CFAP95: variants seen among roughly 807,000 people sequenced by gnomAD.
CFAP95 encodes cilia and flagella associated protein 95.
At chr9:69,889,819 T>C in the CFAP95 span, among the ~76,000 whole-genome samples, 1 of 152,210 alleles carries the variant, frequency 6.6e-6, no homozygotes, top group Non-Finnish European at 1.5e-5. Context: ...GCAGCCTTTA[T>C]AATCTCCATA....
chr9:69,841,149 A>G, the CFAP95 span, among the ~76,000 whole-genome samples: 1 of 73,562 alleles, frequency 1.4e-5, no homozygotes, highest in South Asian at 4.1e-4. Context: ...AAAGACAGGT[A>G]TAATCCAAGC....
chr9:69,876,091 A>C, the CFAP95 span, among the ~76,000 whole-genome samples: 2 of 152,242 alleles, frequency 1.3e-5, no homozygotes, highest in Admixed American at 6.5e-5. Flanking sequence ...CAATTTTGCA[A>C]GATATTGCCA....
At chr9:69,869,469 T>G in the CFAP95 span, among the ~76,000 whole-genome samples, 166 of 152,190 alleles carry the variant, frequency 1.1e-3, no homozygotes, top group African/African-American at 3.9e-3. Context: ...AATAGAGAGA[T>G]GCTGGTCAAA....
At chr9:69,883,282 T>A in the CFAP95 span, among the ~76,000 whole-genome samples, 1 of 152,186 alleles carries the variant, frequency 6.6e-6, no homozygotes. Context: ...GGTTCAGGGC[T>A]AGAGAACTTA....
chr9:69,833,902 A>G, the CFAP95 span, among the ~76,000 whole-genome samples: 4 of 152,188 alleles, frequency 2.6e-5, no homozygotes, highest in African/African-American at 9.7e-5. Context: ...AATGCAACAA[A>G]TTGTCCTGAA....
chr9:69,827,426 G>A, the CFAP95 span, among the ~76,000 whole-genome samples: 1 of 152,114 alleles, frequency 6.6e-6, no homozygotes, highest in African/African-American at 2.4e-5. Flanking sequence ...ATTCAAACAT[G>A]CCAATTAAAG....
the CFAP95 span, among the ~76,000 whole-genome samples, chr9:69,901,070 A>C: frequency 6.6e-6 from 1 of 150,772 alleles, no homozygotes; most frequent in Non-Finnish European, 1.5e-5. Flanking sequence ...CTTGTGTCCA[A>C]GTGTTCTTAT....
chr9:69,845,988 C>G, the CFAP95 span, among the ~76,000 whole-genome samples: 3 of 152,174 alleles, frequency 2.0e-5, no homozygotes, highest in Non-Finnish European at 4.4e-5. Flanking sequence ...TCCATTCCCC[C>G]ACAAACACAG....
the CFAP95 span, among the ~76,000 whole-genome samples, chr9:69,901,029 C>T: frequency 1.4e-4 from 21 of 152,258 alleles, no homozygotes; most frequent in South Asian, 4.1e-3. Flanking sequence ...CTCCACTCCA[C>T]AACAGGCCCC....
the CFAP95 span, among the ~76,000 whole-genome samples, chr9:69,866,606 C>T: frequency 6.6e-6 from 1 of 152,198 alleles, no homozygotes; most frequent in African/African-American, 2.4e-5. Flanking sequence ...GGTAAATCTT[C>T]TTTACTCAGT....
chr9:69,847,130 G>T, the CFAP95 span, among the ~76,000 whole-genome samples: 1 of 152,222 alleles, frequency 6.6e-6, no homozygotes, highest in East Asian at 1.9e-4. Context: ...TAGTGGTCAA[G>T]AAGAGACTTG....
At chr9:69,905,366 T>A in the CFAP95 span, among the ~76,000 whole-genome samples, 29 of 152,194 alleles carry the variant, frequency 1.9e-4, no homozygotes, top group Non-Finnish European at 1.5e-5. Context: ...AAAGAATCAA[T>A]ATATCTTTTG....
At chr9:69,838,660 T>A in the CFAP95 span, among the ~76,000 whole-genome samples, 1 of 152,048 alleles carries the variant, frequency 6.6e-6, no homozygotes, top group South Asian at 2.1e-4. Flanking sequence ...TCTAGATATA[T>A]AATCATGTCG....
chr9:69,901,650 C>G, the CFAP95 span, among the ~76,000 whole-genome samples: 3 of 152,162 alleles, frequency 2.0e-5, no homozygotes, highest in South Asian at 6.2e-4. Flanking sequence ...CAGTAACATA[C>G]GTGTGCATGT....
chr9:69,879,810 T>C, the CFAP95 span, among the ~76,000 whole-genome samples: 3 of 152,200 alleles, frequency 2.0e-5, no homozygotes, highest in African/African-American at 7.2e-5. Context: ...TTAGGATATT[T>C]AGTGAGAATT....
At chr9:69,854,519 C>T in the CFAP95 span, among the ~76,000 whole-genome samples, 2 of 152,330 alleles carry the variant, frequency 1.3e-5, no homozygotes, top group South Asian at 4.1e-4. Context: ...AGCTGATTTG[C>T]CTGGGCATTA....
chr9:69,895,645 C>T, the CFAP95 span, among the ~76,000 whole-genome samples: 2 of 152,176 alleles, frequency 1.3e-5, no homozygotes, highest in African/African-American at 4.8e-5. Context: ...ATTATTTTAA[C>T]TTCCTGCTCA....
At chr9:69,870,911 T>C in the CFAP95 span, among the ~76,000 whole-genome samples, 2 of 152,044 alleles carry the variant, frequency 1.3e-5, no homozygotes, top group South Asian at 2.1e-4. Flanking sequence ...AGGCAGAGGA[T>C]GAAGGATGTA....
the CFAP95 span, among the ~76,000 whole-genome samples, chr9:69,868,550 C>T: frequency 3.3e-3 from 495 of 151,058 alleles, 8 homozygotes; most frequent in African/African-American, 0.011. Context: ...CCCAGCTACT[C>T]GGGAGGCTGA....
Sources: allele counts gnomAD v4.1 joint callset (sites outside exome capture counted in the v4.1 genomes callset), GRCh38; gene constraint gnomAD v4.1.1; transcripts MANE v1.5; gene names NCBI Gene and HGNC (gene_info 2026-07-23, HGNC 2026-07-21).